The following CDHR3 variants were observed in gnomAD, a reference collection of about 807,000 sequenced individuals.
CDHR3 encodes cadherin-related family member 3.
Under a neutral mutation model 86.6 loss-of-function variants are expected in CDHR3, and 79 were observed. The ratio of observed to expected loss-of-function variants is 0.91; its 90% CI spans 0.76 to 1.10. CDHR3 has a LOEUF of 1.10. Among genes scored for constraint, CDHR3 ranks in the 50% least tolerant of loss-of-function variants. The pLI, the probability that CDHR3 is intolerant of heterozygous loss-of-function variation, is 0.00. For synonymous variants in CDHR3, 421 were observed against 402.4 expected, an observed-to-expected ratio of 1.05 and a Z score of -0.55; for missense variants, 1,081 against 1,077.6, an observed-to-expected ratio of 1.00 and a Z score of -0.04.
At position 106,015,961 on chromosome 7, in the gene CDHR3, A is replaced by G. The variant is rs750802572; in HGVS notation, c.1362A>G (p.Glu454=). The part of the protein sequence containing the change: ...NVYVYILTSP[E]NEFPLIFDRP... ...ACGTTTATATCCTAACAAGCCCAGA[A>G]AATGAGTTTCCTCTCATTTTTGATA... Residue 454 remains glutamate, a synonymous_variant, in exon 11 of 19, where the codon GAA becomes GAG. Transcript: ENST00000317716. 6.2e-7 allele frequency: 1 copy of G among 1,613,318 alleles called. No homozygotes were observed. The highest frequency in any genetic ancestry group is 8.5e-7 in the Non-Finnish European group (1 of 1,179,520).
At chr7:105,986,888 C>T (rs1050326557) in intron 4 of CDHR3, among the ~76,000 whole-genome samples, 4 of 152,028 alleles carry the variant, frequency 2.6e-5, no homozygotes, top group African/African-American at 9.7e-5. Context: ...CTTCAATTGC[C>T]AAGATGTCAT....
intron 8 of CDHR3, among the ~76,000 whole-genome samples, chr7:106,010,853 G>A (rs1328623157): frequency 3.3e-5 from 5 of 152,214 alleles, no homozygotes; most frequent in Admixed American, 6.5e-5. Context: ...AAGGAAAGAG[G>A]GAGAAAAGGT....
At chr7:106,021,591 G>A (rs1052565626) in intron 13 of CDHR3, among the ~76,000 whole-genome samples, 1 of 152,208 alleles carries the variant, frequency 6.6e-6, no homozygotes, top group African/African-American at 2.4e-5. Context: ...CCTGAGCTGA[G>A]CCATGAGCCC....
chr7:106,025,728 A>G (rs182757928), intron 15 of CDHR3, among the ~76,000 whole-genome samples: 2 of 152,354 alleles, frequency 1.3e-5, no homozygotes, highest in East Asian at 3.9e-4. Flanking sequence ...AAGGCATTAG[A>G]ATAAAGATGT....
chr7:106,022,137 C>A, intron 13 of CDHR3, 61 bp from the exon 14 acceptor site: 4 of 1,593,100 alleles, frequency 2.5e-6, no homozygotes, highest in Non-Finnish European at 3.4e-6. Flanking sequence ...TTCTTCTAAA[C>A]CTTTATTTCT....
intron 12 of CDHR3, among the ~76,000 whole-genome samples, chr7:106,019,782 C>A (rs902481199): frequency 1.3e-5 from 2 of 152,218 alleles, no homozygotes; most frequent in Non-Finnish European, 2.9e-5. Context: ...TGAGTCTTAG[C>A]CCTGGCTGCA....
rs184644218 is a variant in CDHR3, at chr7:106,012,553, C to T, written c.1053-307C>T. Among the ~76,000 whole-genome samples the T allele has an allele frequency of 2.0e-5, 3 of 152,138 alleles. No homozygotes were observed. In the East Asian group the frequency reaches 5.8e-4, roughly 30 times the overall value. ...GAGTTCAGAGAGGAAAAGGAGGGCA[C>T]GTCATGAAGCGTCCTGCAGATCAAA... On this transcript the variant is annotated intron_variant, in intron 8 of 18. Transcript: ENST00000317716.
At chr7:106,000,508 A>G (rs3857824) in intron 6 of CDHR3, among the ~76,000 whole-genome samples, 2,886 of 152,346 alleles carry the variant, frequency 0.019, 104 homozygotes, top group South Asian at 0.17. Flanking sequence ...TACCCCTTTC[A>G]AAGAAGATCC....
At chr7:106,003,564 G>C (rs1048103831) in intron 7 of CDHR3, among the ~76,000 whole-genome samples, 2 of 152,130 alleles carry the variant, frequency 1.3e-5, no homozygotes, top group African/African-American at 4.8e-5. Flanking sequence ...TTTGTTCAAG[G>C]TCTTACAGCT....
chr7:106,001,239 G>T (rs1833123796), intron 6 of CDHR3, among the ~76,000 whole-genome samples: 1 of 152,208 alleles, frequency 6.6e-6, no homozygotes, highest in African/African-American at 2.4e-5. Context: ...GTAAATTGTT[G>T]CAATGACAGC....
At chr7:106,002,928 G>T (rs1218494507) in intron 7 of CDHR3, among the ~76,000 whole-genome samples, 4 of 152,158 alleles carry the variant, frequency 2.6e-5, no homozygotes, top group Non-Finnish European at 5.9e-5. Context: ...GAGCCCAGGA[G>T]TTTGAGACCA....
At chr7:106,012,061 T>G (rs905267464) in intron 8 of CDHR3, among the ~76,000 whole-genome samples, 1 of 152,224 alleles carries the variant, frequency 6.6e-6, no homozygotes, top group African/African-American at 2.4e-5. Flanking sequence ...GACGTAAAAT[T>G]TATATTTCTC....
At position 106,028,563 on chromosome 7, in the gene CDHR3, C is replaced by A; in HGVS notation, c.2285C>A (p.Ala762Glu). The change falls in exon 17 of 19, where the codon GCA becomes GAA. Residue 762 changes from alanine to glutamate, a missense_variant. Physicochemically the swap from Ala to Glu is moderately radical, Grantham distance 107 (BLOSUM62 -1). Coordinates refer to ENST00000317716, the MANE Select transcript of CDHR3 (RefSeq NM_152750.5). Reference protein sequence around the residue: ...PLTKKGETKTAERDVVVETIQ... With the variant: ...PLTKKGETKTEERDVVVETIQ... ...CTGTTCTCTGCAGAAACGAAGACTG[C>A]AGAGAGAGACGTCGTGGTGGTGAGT... is the stretch of plus-strand genomic sequence containing the variant. 1.9e-6 allele frequency: 3 copies of A among 1,613,920 alleles called. No individual in the cohort carries two copies. Among genetic ancestry groups the A allele is most frequent in the Non-Finnish European group, 2.5e-6 (3 of 1,179,840 alleles).
chr7:106,023,823 G>A (rs1195197391), intron 14 of CDHR3, among the ~76,000 whole-genome samples: 1 of 152,158 alleles, frequency 6.6e-6, no homozygotes, highest in Admixed American at 6.5e-5. Context: ...ACCTTTCTTG[G>A]GCTCAGAGCA....
intron 1 of CDHR3, among the ~76,000 whole-genome samples, chr7:105,974,245 G>T (rs1828425702): frequency 6.6e-6 from 1 of 152,180 alleles, no homozygotes; most frequent in Non-Finnish European, 1.5e-5. Flanking sequence ...TCTGTGGAAT[G>T]GTTGTTAATC....
chr7:105,982,338 G>A (rs189511525), intron 3 of CDHR3, among the ~76,000 whole-genome samples: 18 of 151,556 alleles, frequency 1.2e-4, no homozygotes, highest in African/African-American at 3.9e-4. Context: ...ATGTAGTGGC[G>A]GGTGCCTGTA....
At chr7:105,969,532 G>T (rs114548571) in intron 1 of CDHR3, among the ~76,000 whole-genome samples, 4 of 152,176 alleles carry the variant, frequency 2.6e-5, no homozygotes, top group African/African-American at 9.7e-5. Flanking sequence ...TCTCAACGAG[G>T]ACCTTCTGTG....
chr7:105,984,549 AAAG>A (rs771527577), intron 4 of CDHR3, among the ~76,000 whole-genome samples: 1 of 152,202 alleles, frequency 6.6e-6, no homozygotes. Flanking sequence ...ATCTGTAAAC[AAAG>A]AAGAGTACCA....
chr7:106,022,543 T>C, intron 14 of CDHR3, 95 bp downstream of exon 14: 1 of 1,515,102 alleles, frequency 6.6e-7, no homozygotes, highest in Non-Finnish European at 8.9e-7. Context: ...TGGGGTGGAC[T>C]GAAGAGTTGA....
Sources: gnomAD v4.1 joint callset for allele counts (sites outside exome capture counted in the v4.1 genomes callset) on GRCh38, gnomAD v4.1.1 for gene constraint, MANE v1.5 for transcripts, NCBI Gene and HGNC (gene_info 2026-07-23, HGNC 2026-07-21) for gene names.